Variants in NTM observed in about 807,000 individuals in gnomAD.
The protein encoded by NTM is neurotrimin.
Under a neutral mutation model 42.1 loss-of-function variants are expected in NTM, and 13 were observed. The observed-to-expected ratio is 0.31, with a 90% confidence interval of 0.20 to 0.49. The LOEUF is 0.49. Ranked by LOEUF, NTM falls within the 20% of genes least tolerant of loss-of-function variation. The pLI is 0.99. For synonymous variants in NTM, 187 were observed against 179.2 expected (o/e 1.04, Z -0.35); for missense variants, 373 against 452.8 (o/e 0.82, Z 1.60).
chr11:132,159,855 T>C (rs560137441), intron 3 of NTM, among the ~76,000 whole-genome samples: 12 of 152,184 alleles, frequency 7.9e-5, no homozygotes, highest in Non-Finnish European at 1.8e-4. Context: ...GAAGGTCAAA[T>C]TGGGAACATT....
At chr11:132,185,136 A>G (rs770495866) in intron 3 of NTM, among the ~76,000 whole-genome samples, 1 of 152,152 alleles carries the variant, frequency 6.6e-6, no homozygotes, top group Admixed American at 6.5e-5. Flanking sequence ...AAAACAAAAA[A>G]TCTCACTGCT....
chr11:132,060,167 C>A (rs2080412113), intron 2 of NTM, among the ~76,000 whole-genome samples: 1 of 152,218 alleles, frequency 6.6e-6, no homozygotes, highest in East Asian at 1.9e-4. Flanking sequence ...GAAGACCACA[C>A]TTTGGCATTA....
intron 7 of NTM, chr11:132,317,608 G>A (rs1318378944): frequency 8.7e-7 from 1 of 1,147,820 alleles, no homozygotes; most frequent in Non-Finnish European, 1.2e-6. Context: ...TATAATATAT[G>A]TGTTTGTTCT....
chr11:131,836,159 T>C (rs2043461004), intron 1 of NTM, among the ~76,000 whole-genome samples: 1 of 152,220 alleles, frequency 6.6e-6, no homozygotes, highest in Admixed American at 6.5e-5. Context: ...TATCAAGCTG[T>C]ATGCTTATGA....
intron 2 of NTM, among the ~76,000 whole-genome samples, chr11:131,930,839 A>G (rs2058513701): frequency 6.6e-6 from 1 of 152,224 alleles, no homozygotes; most frequent in African/African-American, 2.4e-5. Context: ...GCATTTTCTA[A>G]TAATTTAAAA....
chr11:131,722,149 T>G lies in NTM; in HGVS notation c.83-189415T>G, dbSNP rs1273680973. Among the ~76,000 whole-genome samples the G allele has an allele frequency of 2.0e-5, 3 of 151,952 alleles. No homozygotes were observed. The East Asian group carries it at 5.8e-4, about 29-fold the overall frequency. On this transcript the variant is annotated intron_variant, in intron 1 of 8. Coordinates refer to ENST00000683400, the MANE Select transcript of NTM (RefSeq NM_001352005.2). ...TCAGTATCCAACAAATAATAACACA[T>G]GCAAATATCATTATAATTACTGTCA...
At chr11:131,504,285 C>T (rs2047209790) in intron 1 of NTM, among the ~76,000 whole-genome samples, 1 of 152,192 alleles carries the variant, frequency 6.6e-6, no homozygotes, top group Admixed American at 6.5e-5. Context: ...CAAATGCAGA[C>T]CCCTTGGGCT....
At chr11:131,524,278 C>G (rs748175050) in intron 1 of NTM, among the ~76,000 whole-genome samples, 1 of 152,208 alleles carries the variant, frequency 6.6e-6, no homozygotes, top group Non-Finnish European at 1.5e-5. Flanking sequence ...CACGATCTTT[C>G]CAGTAGGAAT....
intron 2 of NTM, among the ~76,000 whole-genome samples, chr11:131,947,358 C>A: frequency 6.6e-6 from 1 of 152,160 alleles, no homozygotes; most frequent in Non-Finnish European, 1.5e-5. Flanking sequence ...ACTTCTGGAC[C>A]GCTTCAGGAA....
chr11:132,330,727 T>C (rs1375579699), intron 8 of NTM, among the ~76,000 whole-genome samples: 1 of 152,222 alleles, frequency 6.6e-6, no homozygotes, highest in Non-Finnish European at 1.5e-5. Flanking sequence ...TTGACACTCA[T>C]CACCGTTCTC....
intron 1 of NTM, among the ~76,000 whole-genome samples, chr11:131,907,212 G>C (rs2053991225): frequency 1.3e-5 from 2 of 152,204 alleles, no homozygotes; most frequent in Admixed American, 6.5e-5. Context: ...TTGTGTGTGT[G>C]GAATAGTGAT....
intron 7 of NTM, 123 bp from the exon 8 acceptor site, chr11:132,330,030 C>A (rs1245545362): frequency 1.1e-5 from 16 of 1,460,410 alleles, no homozygotes; most frequent in South Asian, 1.4e-5. Flanking sequence ...GGGACATGGG[C>A]AAGAGGCGCA....
At chr11:131,493,721 A>C (rs1955041799) in intron 1 of NTM, among the ~76,000 whole-genome samples, 1 of 152,224 alleles carries the variant, frequency 6.6e-6, no homozygotes, top group Admixed American at 6.5e-5. Context: ...AGGATAAATC[A>C]CAGTTAAACA....
intron 3 of NTM, among the ~76,000 whole-genome samples, chr11:132,158,668 T>A (rs1331995275): frequency 6.6e-6 from 1 of 152,240 alleles, no homozygotes; most frequent in Non-Finnish European, 1.5e-5. Context: ...TACCGTTAAG[T>A]GGACTTGATC....
At chr11:131,390,314 C>A (rs187776114) in intron 1 of NTM, among the ~76,000 whole-genome samples, 126 of 152,190 alleles carry the variant, frequency 8.3e-4, no homozygotes, top group Admixed American at 1.6e-3. Flanking sequence ...GAGGGATCTG[C>A]CCCCACGACC....
intron 1 of NTM, among the ~76,000 whole-genome samples, chr11:131,513,613 T>C (rs570499188): frequency 6.6e-6 from 1 of 152,316 alleles, no homozygotes; most frequent in East Asian, 1.9e-4. Context: ...AAAAGACTGA[T>C]ATGAAAGCGC....
chr11:131,825,707 G>A (rs1046618584), intron 1 of NTM, among the ~76,000 whole-genome samples: 12 of 152,144 alleles, frequency 7.9e-5, no homozygotes, highest in Non-Finnish European at 1.3e-4. Flanking sequence ...TTGGGAAGAT[G>A]TTTAAAAGGC....
intron 1 of NTM, among the ~76,000 whole-genome samples, chr11:131,635,785 C>G (rs933751171): frequency 2.0e-5 from 3 of 152,152 alleles, no homozygotes; most frequent in Non-Finnish European, 2.9e-5. Flanking sequence ...CTGACTCACC[C>G]AGAGGAACTT....
At chr11:131,815,333 G>T (rs1008369558) in intron 1 of NTM, among the ~76,000 whole-genome samples, 3 of 152,018 alleles carry the variant, frequency 2.0e-5, no homozygotes, top group African/African-American at 7.2e-5. Context: ...CTGCCCTCTT[G>T]TATGCTGGGC....
Sources: allele counts gnomAD v4.1 joint callset (sites outside exome capture counted in the v4.1 genomes callset), GRCh38; gene constraint gnomAD v4.1.1; transcripts MANE v1.5; gene names NCBI Gene and HGNC (gene_info 2026-07-23, HGNC 2026-07-21).